GRM7: variants seen among roughly 807,000 people sequenced by gnomAD.
The protein encoded by GRM7 is metabotropic glutamate receptor 7.
GRM7 carries 35 observed loss-of-function variants against 84.5 expected under a neutral mutation model. The ratio of observed to expected loss-of-function variants is 0.41; its 90% CI spans 0.32 to 0.55. The LOEUF (loss-of-function observed/expected upper bound fraction) is 0.55. Ranked by LOEUF, GRM7 falls within the 20% of genes least tolerant of loss-of-function variation. GRM7 has a pLI of 0.19. For missense variants in GRM7, 1,003 were observed against 1,194.6 expected (o/e 0.84, Z 2.36); for synonymous variants, 487 against 455.1 (o/e 1.07, Z -0.89).
At position 6,892,475 on chromosome 3, in the gene GRM7, A is replaced by T. The variant is rs575676877; in HGVS notation, c.519+30568A>T. On this transcript the variant is annotated intron_variant, in intron 1 of 9. Transcript: ENST00000357716. The stretch of plus-strand genomic sequence containing the variant: ...CCTTTCAAAAATCATTTTCTGCTCA[A>T]ATCAGCTGTATCTGGCTCCTGTTGC... Among the ~76,000 whole-genome samples the T allele has an allele frequency of 3.3e-5, 5 of 152,240 alleles. No individual in the cohort carries two copies. In the South Asian group the frequency reaches 1.0e-3, roughly 32 times the overall value.
At chr3:6,908,370 A>G (rs1696652568) in intron 1 of GRM7, among the ~76,000 whole-genome samples, 1 of 152,180 alleles carries the variant, frequency 6.6e-6, no homozygotes, top group Admixed American at 6.6e-5. Context: ...TTTTCGTCTC[A>G]TGGACTCAAT....
At chr3:7,031,105 C>A (rs913770980) in intron 1 of GRM7, among the ~76,000 whole-genome samples, 7 of 151,944 alleles carry the variant, frequency 4.6e-5, no homozygotes, top group African/African-American at 1.5e-4. Context: ...AAATAAATAC[C>A]GTTCTCCTCA....
At chr3:7,592,417 G>C (rs1360097416) in intron 8 of GRM7, among the ~76,000 whole-genome samples, 1 of 152,200 alleles carries the variant, frequency 6.6e-6, no homozygotes, top group Non-Finnish European at 1.5e-5. Context: ...ATTCTGGGTA[G>C]AGAGACCAGC....
chr3:6,893,758 G>T lies in GRM7; in HGVS notation c.519+31851G>T, dbSNP rs532246882. On this transcript the variant is annotated intron_variant, in intron 1 of 9. Coordinates refer to ENST00000357716, the MANE Select transcript of GRM7 (RefSeq NM_000844.4). Reference sequence around the variant, plus strand: ...CCAAACATTTTACATTTGGTTATTAGTTATATTCTGGTATTCTAACAATAA... The same window carrying T: ...CCAAACATTTTACATTTGGTTATTATTTATATTCTGGTATTCTAACAATAA... Among the ~76,000 whole-genome samples, 4 of 152,132 alleles carry T rather than the reference G, an allele frequency of 2.6e-5. No individual in the cohort carries two copies. The South Asian group carries it at 8.3e-4, about 32-fold the overall frequency.
At chr3:7,376,379 A>T (rs1694350982) in intron 4 of GRM7, among the ~76,000 whole-genome samples, 1 of 152,150 alleles carries the variant, frequency 6.6e-6, no homozygotes, top group African/African-American at 2.4e-5. Flanking sequence ...CGTGAATGCT[A>T]TGCACCTACC....
At chr3:7,555,136 C>T (rs1693696052) in intron 7 of GRM7, among the ~76,000 whole-genome samples, 1 of 152,156 alleles carries the variant, frequency 6.6e-6, no homozygotes, top group African/African-American at 2.4e-5. Flanking sequence ...GTGGATGACA[C>T]TTGTGAGAAA....
At chr3:7,472,289 A>G (rs761070620) in intron 7 of GRM7, among the ~76,000 whole-genome samples, 1 of 152,224 alleles carries the variant, frequency 6.6e-6, no homozygotes, top group Admixed American at 6.5e-5. Context: ...ATTCCTCTAT[A>G]GAAACATAAA....
chr3:7,166,199 C>G (rs574748361), intron 2 of GRM7, among the ~76,000 whole-genome samples: 2 of 151,956 alleles, frequency 1.3e-5, no homozygotes, highest in East Asian at 3.9e-4. Flanking sequence ...TATGAACTTT[C>G]TTTAGGAAAA....
intron 1 of GRM7, among the ~76,000 whole-genome samples, chr3:7,115,400 G>A (rs1373409655): frequency 6.6e-6 from 1 of 152,086 alleles, no homozygotes; most frequent in African/African-American, 2.4e-5. Flanking sequence ...TAGGTGCTCT[G>A]AGCGTGCTAA....
chr3:7,335,945 G>A (rs549138539), intron 4 of GRM7, among the ~76,000 whole-genome samples: 75 of 152,062 alleles, frequency 4.9e-4, no homozygotes, highest in Non-Finnish European at 8.8e-4. Flanking sequence ...GGACCAGATG[G>A]ATTCACAGCT....
chr3:7,126,146 G>A (rs1294564394), intron 1 of GRM7, among the ~76,000 whole-genome samples: 2 of 152,182 alleles, frequency 1.3e-5, no homozygotes, highest in Non-Finnish European at 2.9e-5. Flanking sequence ...TTGTAAAGAT[G>A]GGCTATTTGG....
At chr3:7,631,256 T>G (rs1697847027) in intron 8 of GRM7, among the ~76,000 whole-genome samples, 1 of 152,210 alleles carries the variant, frequency 6.6e-6, no homozygotes, top group South Asian at 2.1e-4. Flanking sequence ...CTGTTTCTGC[T>G]GCAAATCTTT....
chr3:7,076,519 C>A (rs926192335), intron 1 of GRM7, among the ~76,000 whole-genome samples: 17 of 152,162 alleles, frequency 1.1e-4, no homozygotes, highest in Non-Finnish European at 7.3e-5. Context: ...CACCTTCCAC[C>A]ATGACTGTCA....
chr3:7,481,164 A>G (rs913936056), intron 7 of GRM7, among the ~76,000 whole-genome samples: 1 of 151,842 alleles, frequency 6.6e-6, no homozygotes, highest in African/African-American at 2.4e-5. Context: ...TTGCAGCATC[A>G]ATCTCCCAGG....
intron 4 of GRM7, among the ~76,000 whole-genome samples, chr3:7,331,125 T>A (rs1701193307): frequency 1.3e-5 from 2 of 152,228 alleles, no homozygotes; most frequent in African/African-American, 4.8e-5. Flanking sequence ...GGGATCCATG[T>A]CTCTCTTAGT....
intron 8 of GRM7, among the ~76,000 whole-genome samples, chr3:7,609,377 T>G (rs1696740140): frequency 6.6e-6 from 1 of 151,756 alleles, no homozygotes; most frequent in Admixed American, 6.6e-5. Context: ...CACATTAGTA[T>G]ATAGATAGGG....
chr3:6,861,604 G>A lies in GRM7; in HGVS notation c.216G>A (p.Arg72=), dbSNP rs763893550. Residue 72 remains arginine (R), a synonymous_variant, in exon 1 of 10, where the codon AGG becomes AGA. Coordinates refer to ENST00000357716, the MANE Select transcript of GRM7 (RefSeq NM_000844.4). This position sits in a 1 kb window ranked among gnomAD's most constrained non-coding sequence, Gnocchi z 6.4. The stretch of plus-strand genomic sequence containing the variant: ...GAGTGCCCTGCGGCGACATCAAGAG[G>A]GAAAACGGGATCCACAGGCTGGAAG... The part of the protein sequence containing the change: ...PSGVPCGDIK[R]ENGIHRLEAM... 3.1e-6 allele frequency: 5 copies of A among 1,611,848 alleles called. No individual in the cohort carries two copies. The African/African-American group carries it at 6.7e-5, about 22-fold the overall frequency.
In GRM7 at chr3:6,861,172, C is replaced by T. The variant is rs1370048805; in HGVS notation, c.-217C>T. ...GCCGGTGAGCGCGAGCGCGGCGCGC[C>T]GGCCGGCTAACCCGAGAGCGCGAGG... On this transcript the variant is annotated 5_prime_UTR_variant, in exon 1 of 10. Coordinates refer to ENST00000357716, the MANE Select transcript of GRM7 (RefSeq NM_000844.4). The surrounding 1 kb of genome is among the most constrained non-coding windows in gnomAD (Gnocchi z 6.4). 1.1e-5 allele frequency: 5 copies of T among 438,470 alleles called. No individual in the cohort carries two copies. In the East Asian group the frequency reaches 1.9e-4, roughly 16 times the overall value. The allele number at this position is 438,470 out of a possible 1,614,324, so 27.2% of individuals were successfully genotyped here.
At chr3:6,949,497 T>C (rs557332039) in intron 1 of GRM7, among the ~76,000 whole-genome samples, 28 of 152,126 alleles carry the variant, frequency 1.8e-4, no homozygotes, top group Non-Finnish European at 2.8e-4. Context: ...CATTTTTTCC[T>C]TCATTTCAAC....
Sources: gnomAD v4.1 joint callset for allele counts (sites outside exome capture counted in the v4.1 genomes callset) on GRCh38, gnomAD v4.1.1 for gene constraint, Gnocchi (gnomAD v3.1) non-coding constraint, MANE v1.5 for transcripts, NCBI Gene and HGNC (gene_info 2026-07-23, HGNC 2026-07-21) for gene names.